The following PCSK1 variants were observed in gnomAD, a reference collection of about 807,000 sequenced individuals.
PCSK1 encodes proprotein convertase subtilisin/kexin type 1.
A neutral mutation model predicts 90.6 loss-of-function variants in PCSK1; 56 were observed. That is an observed-to-expected ratio of 0.62 (90% CI 0.50 to 0.77). The LOEUF is 0.77. Among genes scored for constraint, PCSK1 ranks in the 30% least tolerant of loss-of-function variants. PCSK1 has a pLI of 0.00. For missense variants in PCSK1, 801 were observed against 932.6 expected, an observed-to-expected ratio of 0.86 and a Z score of 1.84; for synonymous variants, 348 against 342.4, an observed-to-expected ratio of 1.02 and a Z score of -0.18.
chr5:96,392,901 A>C lies in PCSK1; in HGVS notation c.*100T>G. The C allele has an allele frequency of 8.5e-7, 1 of 1,172,044 alleles. No homozygotes were observed. Among genetic ancestry groups the C allele is most frequent in the South Asian group, 1.2e-5 (1 of 80,672 alleles). 72.6% of individuals were successfully genotyped at this position (1,172,044 alleles called of 1,614,324 possible). ...AAAAGGTGCCACAAAGGATATTATA[A>C]GCATAAGAATTCATGACAAAACAAC... On this transcript the variant is annotated 3_prime_UTR_variant, in exon 14 of 14. Transcript: ENST00000311106.
At chr5:96,401,254 G>T (rs935074348) in intron 9 of PCSK1, among the ~76,000 whole-genome samples, 9 of 152,158 alleles carry the variant, frequency 5.9e-5, no homozygotes, top group Admixed American at 5.2e-4. Flanking sequence ...CTTTGTGGGG[G>T]AGAAATATTT....
intron 9 of PCSK1, among the ~76,000 whole-genome samples, chr5:96,404,879 A>G (rs1760502192): frequency 4.6e-5 from 7 of 152,030 alleles, no homozygotes. Context: ...TTAATATTGT[A>G]TATAAAGAGG....
rs760254601 is a variant in PCSK1, at chr5:96,393,142, C to A, written c.2121G>T (p.Leu707=). The change falls in exon 14 of 14, where the codon CTG becomes CTT. Residue 707 remains leucine (L), a synonymous_variant. Transcript: ENST00000311106. ...YENFYEALEK[L]NKPSQLKDSE... ...AGTCTTTAAGCTGGGAAGGTTTGTT[C>A]AGCTTTTCCAGGGCTTCGTAGAAGT... 6.2e-7 allele frequency: 1 copy of A among 1,614,136 alleles called. No homozygotes were observed. Among genetic ancestry groups the A allele is most frequent in the Non-Finnish European group, 8.5e-7 (1 of 1,180,020 alleles).
chr5:96,410,651 T>G lies in PCSK1; in HGVS notation c.1095+123A>C, dbSNP rs156020. 0.34 allele frequency: 277,201 copies of G among 819,394 alleles called. 49,988 individuals carry two copies. Among genetic ancestry groups the G allele is most frequent in the Admixed American group, 0.44 (23,004 of 52,748 alleles). 50.8% of individuals were successfully genotyped at this position (819,394 alleles called of 1,614,324 possible). A position where few individuals can be genotyped will look rare whatever the true frequency, so the allele number is the denominator to read the frequency against. ...GCCTTTCAAGTGAGTAAGTGTGAGT[T>G]CTCCCAACTGAGACATCAAGCTTAA... On this transcript the variant is annotated intron_variant, in intron 8 of 13. Transcript: ENST00000311106.
chr5:96,404,499 C>T (rs1447631696), intron 9 of PCSK1, among the ~76,000 whole-genome samples: 1 of 152,188 alleles, frequency 6.6e-6, no homozygotes, highest in Non-Finnish European at 1.5e-5. Context: ...TTCTCCTTTC[C>T]TTTTCTCCTC....
chr5:96,408,227 C>T lies in PCSK1; in HGVS notation c.1192G>A (p.Ala398Thr), dbSNP rs758770699. The change falls in exon 9 of 14, where the codon GCA becomes ACA. Residue 398 changes from alanine to threonine, a missense_variant. Ala to Thr is a moderately conservative substitution (Grantham distance 58). Coordinates refer to ENST00000311106, the MANE Select transcript of PCSK1 (RefSeq NM_000439.5). The stretch of plus-strand genomic sequence containing the variant: ...TAGAAGCTTTCTGGGCCTTACTTTG[C>T]TTCCAGGGCCAGAGCGAAGATGCCA... ...AAGIFALALEANPNLTWRDMQ... is the reference protein window; with the variant it reads ...AAGIFALALETNPNLTWRDMQ... 2 of 1,612,010 alleles carry T rather than the reference C, an allele frequency of 1.2e-6. No homozygotes were observed. Among genetic ancestry groups the T allele is most frequent in the South Asian group, 2.2e-5 (2 of 91,014 alleles).
intron 5 of PCSK1, among the ~76,000 whole-genome samples, chr5:96,417,171 A>G (rs993950175): frequency 6.6e-6 from 1 of 152,208 alleles, no homozygotes; most frequent in Non-Finnish European, 1.5e-5. Flanking sequence ...AGCATGGAAT[A>G]TAAAATTCCT....
intron 5 of PCSK1, 72 bp downstream of exon 5, chr5:96,421,808 T>C (rs1403061580): frequency 2.4e-6 from 2 of 843,156 alleles, no homozygotes; most frequent in East Asian, 2.4e-5. Context: ...ATGAAATATA[T>C]GGTATAATTT....
chr5:96,425,982 A>C (rs1420139116), intron 2 of PCSK1, 52 bp from the exon 3 acceptor site: 1 of 1,000,470 alleles, frequency 1.0e-6, no homozygotes. Context: ...CTACCTCTGT[A>C]TACTTCCTCT....
chr5:96,433,122 C>A lies in PCSK1; in HGVS notation c.-80G>T. 7.6e-7 allele frequency: 1 copy of A among 1,323,770 alleles called. No homozygotes were observed. The highest frequency in any genetic ancestry group is 1.1e-6 in the Non-Finnish European group (1 of 919,040). The allele number at this position is 1,323,770 out of a possible 1,614,324, so 82.0% of individuals were successfully genotyped here. A position where few individuals can be genotyped will look rare whatever the true frequency, so the allele number is the denominator to read the frequency against. On this transcript the variant is annotated 5_prime_UTR_variant, in exon 1 of 14. Transcript: ENST00000311106. ...ATAGGAGAAAAGCCAGACAGACTCC[C>A]CCTTCCCACCCTCGGGCTCTAGACC...
chr5:96,417,091 T>C (rs17085730), intron 5 of PCSK1, among the ~76,000 whole-genome samples: 9,270 of 152,260 alleles, frequency 0.061, 953 homozygotes, highest in African/African-American at 0.21. Flanking sequence ...GAGGAAGGGT[T>C]AGCTCGGAGC....
intron 9 of PCSK1, among the ~76,000 whole-genome samples, chr5:96,404,636 CTTTA>C (rs942719996): frequency 6.6e-6 from 1 of 152,098 alleles, no homozygotes; most frequent in African/African-American, 2.4e-5. Flanking sequence ...CCGAACCCTC[CTTTA>C]TTTGAGGAGA....
intron 2 of PCSK1, 40 bp downstream of exon 2, chr5:96,429,173 A>G: frequency 9.9e-7 from 1 of 1,009,760 alleles, no homozygotes; most frequent in Admixed American, 1.7e-5. Flanking sequence ...AAAGCAGATA[A>G]GCTAGAGTAT....
intron 5 of PCSK1, among the ~76,000 whole-genome samples, chr5:96,420,787 A>AGAGAGAG (rs1761102915): frequency 3.5e-5 from 5 of 143,352 alleles, no homozygotes; most frequent in Non-Finnish European, 4.6e-5. Flanking sequence ...GAGAGAGAGA[A>AGAGAGAG]AGAGAGAGAG....
chr5:96,415,026 A>G (rs1760896563), intron 6 of PCSK1, among the ~76,000 whole-genome samples: 1 of 152,224 alleles, frequency 6.6e-6, no homozygotes, highest in Non-Finnish European at 1.5e-5. Context: ...ATGTTCTACA[A>G]TTGATTCTTT....
chr5:96,419,386 A>ATATATGTTATATAATACTTAT (rs1761044616), intron 5 of PCSK1, among the ~76,000 whole-genome samples: 3 of 56,496 alleles, frequency 5.3e-5, no homozygotes, highest in Non-Finnish European at 6.6e-5. Context: ...AATACTTATT[A>ATATATGTTATATAATACTTAT]TATATATATA....
rs76646252 is a variant in PCSK1 at position 96,393,166 on chromosome 5, G to A, written c.2097C>T (p.Asn699=). The A allele has an allele frequency of 9.4e-5, 151 of 1,614,170 alleles. No homozygotes were observed. The African/African-American group carries it at 1.9e-3, about 20-fold the overall frequency. The change falls in exon 14 of 14, where the codon AAC becomes AAT. Residue 699 remains asparagine (N), a synonymous_variant. Coordinates refer to ENST00000311106, the MANE Select transcript of PCSK1 (RefSeq NM_000439.5). ...PSAKLNIPYE[N]FYEALEKLNK... Reference sequence around the variant, plus strand: ...TCAGCTTTTCCAGGGCTTCGTAGAAGTTTTCATAAGGGATGTTGAGCTTTG... The same window carrying A: ...TCAGCTTTTCCAGGGCTTCGTAGAAATTTTCATAAGGGATGTTGAGCTTTG...
intron 6 of PCSK1, among the ~76,000 whole-genome samples, chr5:96,413,577 A>T (rs1760841318): frequency 1.3e-5 from 2 of 151,970 alleles, no homozygotes; most frequent in South Asian, 4.2e-4. Context: ...AGGTGGGTGG[A>T]TCACTTGAGG....
rs751555737 is a variant in PCSK1, at chr5:96,393,365, T to A, written c.1898A>T (p.Gln633Leu). The change falls in exon 14 of 14, where the codon CAA becomes CTA. Residue 633 changes from glutamine (Q) to leucine (L), a missense_variant. Gln to Leu is a moderately radical substitution (Grantham distance 113, BLOSUM62 -2). Coordinates refer to ENST00000311106, the MANE Select transcript of PCSK1 (RefSeq NM_000439.5). ...MVDPGEEQPT[Q>L]ENPKENTLVS... Reference sequence around the variant, plus strand: ...CAGGGTGTTCTCCTTAGGGTTCTCTTGTGTGGGCTGCTCCTAAAACATAGA... The same window carrying A: ...CAGGGTGTTCTCCTTAGGGTTCTCTAGTGTGGGCTGCTCCTAAAACATAGA... 1 of 1,613,856 alleles carries A rather than the reference T, an allele frequency of 6.2e-7. No individual in the cohort carries two copies. The highest frequency in any genetic ancestry group is 8.5e-7 in the Non-Finnish European group (1 of 1,179,922).
Sources: gnomAD v4.1 joint callset for allele counts (sites outside exome capture counted in the v4.1 genomes callset) on GRCh38, gnomAD v4.1.1 for gene constraint, MANE v1.5 for transcripts, NCBI Gene and HGNC (gene_info 2026-07-23, HGNC 2026-07-21) for gene names.